SGIP1: variants seen among roughly 807,000 people sequenced by gnomAD.
SGIP1 encodes SH3GL interacting endocytic adaptor 1, also known as SH3-containing GRB2-like protein 3-interacting protein 1.
A neutral mutation model predicts 107.5 loss-of-function variants in SGIP1; 38 were observed. The observed-to-expected ratio is 0.35, with a 90% CI of 0.27 to 0.46. The LOEUF (loss-of-function observed/expected upper bound fraction) is 0.46. SGIP1 is among the 20% of genes least tolerant of loss of function. The pLI is 1.00. For synonymous variants in SGIP1, 365 were observed against 366.1 expected (o/e 1.00, Z 0.03); for missense variants, 929 against 1,019.5 (o/e 0.91, Z 1.21).
chr1:66,684,040 G>A, intron 15 of SGIP1: 1 of 1,540,702 alleles, frequency 6.5e-7, no homozygotes. Flanking sequence ...GGCCCTAAAT[G>A]CTTTTTGTAC....
chr1:66,721,732 G>A (rs1320563932), intron 19 of SGIP1, among the ~76,000 whole-genome samples: 3 of 152,056 alleles, frequency 2.0e-5, no homozygotes, highest in South Asian at 2.1e-4. Context: ...TGAAAAATAA[G>A]AGTAGTCAGG....
chr1:66,691,334 G>C (rs998859015), intron 17 of SGIP1, among the ~76,000 whole-genome samples: 2 of 152,154 alleles, frequency 1.3e-5, no homozygotes, highest in African/African-American at 4.8e-5. Flanking sequence ...TCTGGAGAAA[G>C]AACTGCCTAT....
intron 1 of SGIP1, among the ~76,000 whole-genome samples, chr1:66,588,959 GA>G (rs1289984760): frequency 2.0e-5 from 3 of 149,542 alleles, no homozygotes; most frequent in African/African-American, 7.4e-5. Flanking sequence ...GATAAGAAAA[GA>G]AAAAAAATTC....
intron 17 of SGIP1, among the ~76,000 whole-genome samples, chr1:66,691,791 C>A (rs1404568501): frequency 6.6e-6 from 1 of 152,176 alleles, no homozygotes. Context: ...AGAAAGCTGA[C>A]CCCAAGTGAC....
chr1:66,586,532 A>C (rs1383808724), intron 1 of SGIP1, among the ~76,000 whole-genome samples: 1 of 152,108 alleles, frequency 6.6e-6, no homozygotes, highest in East Asian at 1.9e-4. Context: ...TACATAACTT[A>C]TTACTGTATA....
intron 14 of SGIP1, among the ~76,000 whole-genome samples, chr1:66,679,958 T>A (rs1216556583): frequency 6.6e-6 from 1 of 152,230 alleles, no homozygotes; most frequent in Admixed American, 6.5e-5. Context: ...AGTAATAATT[T>A]CTCAGTTAAT....
In SGIP1 at chr1:66,743,156, G is replaced by A. The variant is rs2094509495; in HGVS notation, c.*61G>A. On this transcript the variant is annotated 3_prime_UTR_variant, in exon 25 of 25. Coordinates refer to ENST00000371037, the MANE Select transcript of SGIP1 (RefSeq NM_032291.4). ...ATGGAGAACTGATGTATGAGAAACA[G>A]ATTTTAATTTTGGTTTGATGAAAAC... The A allele has an allele frequency of 1.2e-5, 19 of 1,586,104 alleles. No individual in the cohort carries two copies. The highest frequency in any genetic ancestry group is 3.3e-4 in the Middle Eastern group (2 of 6,002).
At chr1:66,677,876 C>A (rs185974261) in intron 13 of SGIP1, among the ~76,000 whole-genome samples, 1 of 152,296 alleles carries the variant, frequency 6.6e-6, no homozygotes, top group East Asian at 1.9e-4. Context: ...CCTTTGGGCT[C>A]ACATACAGAC....
chr1:66,660,116 G>A (rs1277315162), intron 7 of SGIP1: 1 of 98,252 alleles, frequency 1.0e-5, no homozygotes, highest in Non-Finnish European at 1.5e-5. Flanking sequence ...AGGAAGGAAG[G>A]AAGGAAAGAA....
intron 7 of SGIP1, chr1:66,660,023 G>GAAGGAAGC (rs2080793102): frequency 9.0e-6 from 1 of 111,594 alleles, no homozygotes. Context: ...AGACAGGAAG[G>GAAGGAAGC]AAGGAAGGAA....
chr1:66,689,181 T>C lies in SGIP1; in HGVS notation c.1349T>C (p.Leu450Ser). 2 of 1,613,768 alleles carry C rather than the reference T, an allele frequency of 1.2e-6. No homozygotes were observed. Among genetic ancestry groups the C allele is most frequent in the Non-Finnish European group, 1.7e-6 (2 of 1,179,824 alleles). The change falls in exon 16 of 25, where the codon TTG becomes TCG. Residue 450 changes from leucine to serine, a missense_variant. Leu to Ser is a moderately radical substitution (Grantham distance 145, BLOSUM62 -2). This residue lies in a region of SGIP1 where 588 missense variants were observed against 588.6 expected (regional missense o/e 1.00). Coordinates refer to ENST00000371037, the MANE Select transcript of SGIP1 (RefSeq NM_032291.4). The stretch of plus-strand genomic sequence containing the variant: ...TCCCCTGCTCGACCAGCCACTCCTT[T>C]GGTTCCTTGCAGAAGTACCACTCCA... ...ASSPARPATP[L>S]VPCRSTTPPP...
At chr1:66,737,529 C>CT in intron 21 of SGIP1, among the ~76,000 whole-genome samples, 2 of 152,162 alleles carry the variant, frequency 1.3e-5, no homozygotes, top group East Asian at 3.9e-4. Context: ...CCCATCTCTA[C>CT]TTTTTAAAAT....
chr1:66,690,122 T>G, intron 16 of SGIP1, 68 bp from the exon 17 acceptor site: 1 of 1,587,330 alleles, frequency 6.3e-7, no homozygotes, highest in South Asian at 1.1e-5. Flanking sequence ...TGGGAGACAT[T>G]AAAAATATGG....
At chr1:66,689,372 A>G in intron 16 of SGIP1, 97 bp downstream of exon 16, 2 of 1,452,394 alleles carry the variant, frequency 1.4e-6, no homozygotes, top group South Asian at 1.4e-5. Flanking sequence ...GAACTCGTAC[A>G]AACAACCCTG....
rs560424032 is a variant in SGIP1, at chr1:66,546,906, G to A, written c.10+12538G>A. Among the ~76,000 whole-genome samples, 9 of 152,216 alleles carry A rather than the reference G, an allele frequency of 5.9e-5. 1 individual carries two copies. In the South Asian group the frequency reaches 1.0e-3, roughly 18 times the overall value. On this transcript the variant is annotated intron_variant, in intron 1 of 24. Coordinates refer to ENST00000371037, the MANE Select transcript of SGIP1 (RefSeq NM_032291.4). ...CTGCAAGTCCCGACTGTGTCTGTTC[G>A]GTGAAGTCATCACCTCTCTATTTTC...
chr1:66,620,238 A>G (rs1441277730), intron 1 of SGIP1, among the ~76,000 whole-genome samples: 2 of 152,318 alleles, frequency 1.3e-5, no homozygotes, highest in South Asian at 4.1e-4. Flanking sequence ...TAGTTAGTTT[A>G]GGGAAGCTTC....
chr1:66,607,232 C>T (rs891525160), intron 1 of SGIP1, among the ~76,000 whole-genome samples: 9 of 152,296 alleles, frequency 5.9e-5, no homozygotes, highest in South Asian at 4.2e-4. Flanking sequence ...ATTTCAAAAA[C>T]GAAACACTGT....
intron 17 of SGIP1, among the ~76,000 whole-genome samples, chr1:66,692,741 A>G (rs917123194): frequency 1.3e-5 from 2 of 152,246 alleles, no homozygotes; most frequent in African/African-American, 4.8e-5. Flanking sequence ...TTGAACCAAA[A>G]TTGGGGCAAA....
chr1:66,591,913 T>A (rs2063701399), intron 1 of SGIP1, among the ~76,000 whole-genome samples: 1 of 152,186 alleles, frequency 6.6e-6, no homozygotes, highest in African/African-American at 2.4e-5. Context: ...ATGTCTGACT[T>A]TACACAAACA....
Sources: allele counts gnomAD v4.1 joint callset (sites outside exome capture counted in the v4.1 genomes callset), GRCh38; gene constraint gnomAD v4.1.1; regional missense constraint gnomAD v4.1.1; transcripts MANE v1.5; gene names NCBI Gene and HGNC (gene_info 2026-07-23, HGNC 2026-07-21).